Variants in DENND5B observed in about 807,000 individuals in gnomAD.
DENND5B encodes DENN domain containing 5B.
In DENND5B, 34 loss-of-function variants were observed where a neutral mutation model predicts 140.6. The ratio of observed to expected loss-of-function variants is 0.24; its 90% CI spans 0.18 to 0.32. DENND5B has a LOEUF of 0.32. DENND5B is among the 10% of genes least tolerant of loss of function. The pLI is 1.00. For missense variants in DENND5B, 1,142 were observed against 1,560.2 expected, an observed-to-expected ratio of 0.73 and a Z score of 4.52; for synonymous variants, 551 against 562.1, an observed-to-expected ratio of 0.98 and a Z score of 0.28.
chr12:31,387,472 G>A lies in DENND5B; in HGVS notation c.*131C>T, dbSNP rs1198540240. 4 of 886,724 alleles carry A rather than the reference G, an allele frequency of 4.5e-6. No homozygotes were observed. Among genetic ancestry groups the A allele is most frequent in the Non-Finnish European group, 6.8e-6 (4 of 584,768 alleles). 54.9% of individuals were successfully genotyped at this position (886,724 alleles called of 1,614,324 possible). The stretch of plus-strand genomic sequence containing the variant: ...TACAACATTTTGCCTTGTCTGTAGA[G>A]TGAGGATTGTTCCAAATGGGGCATA... On this transcript the variant is annotated 3_prime_UTR_variant, in exon 21 of 21. Coordinates refer to ENST00000389082, the MANE Select transcript of DENND5B (RefSeq NM_144973.4).
At chr12:31,495,379 C>CTTTCTTTTTCTT (rs1433968796) in intron 2 of DENND5B, among the ~76,000 whole-genome samples, 1 of 63,534 alleles carries the variant, frequency 1.6e-5, no homozygotes, top group African/African-American at 7.4e-5. Context: ...TATCACATTT[C>CTTTCTTTTTCTT]TTTTTTTTTC....
rs12369701 is a variant in DENND5B at position 31,521,757 on chromosome 12, G to A, written c.128-25838C>T. Among the ~76,000 whole-genome samples the A allele has an allele frequency of 2.6e-4, 39 of 151,952 alleles. No individual in the cohort carries two copies. In the East Asian group the frequency reaches 4.5e-3, roughly 17 times the overall value. ...GTAACTGCCTGTAATGCTAAGTTCC[G>A]TTCCATCCCCATGCCTTAGTTTAGG... On this transcript the variant is annotated intron_variant, in intron 1 of 20. Coordinates refer to ENST00000389082, the MANE Select transcript of DENND5B (RefSeq NM_144973.4).
intron 5 of DENND5B, among the ~76,000 whole-genome samples, chr12:31,451,389 T>C (rs901390222): frequency 2.0e-5 from 3 of 152,192 alleles, no homozygotes; most frequent in Admixed American, 1.3e-4. Context: ...AGTGGCGCTA[T>C]CTTGGCTCAC....
intron 1 of DENND5B, among the ~76,000 whole-genome samples, chr12:31,581,488 A>G (rs1950206544): frequency 6.6e-6 from 1 of 152,108 alleles, no homozygotes; most frequent in African/African-American, 2.4e-5. Flanking sequence ...CGGGAGCCCG[A>G]GACCAGCCTG....
In DENND5B at chr12:31,383,446, A is replaced by G. The variant is rs1364717538; in HGVS notation, c.*4157T>C. 4 of 152,224 alleles carry G rather than the reference A, an allele frequency of 2.6e-5. No individual in the cohort carries two copies. Among genetic ancestry groups the G allele is most frequent in the Non-Finnish European group, 5.9e-5 (4 of 68,042 alleles). The allele number at this position is 152,224 out of a possible 1,614,324, so 9.4% of individuals were successfully genotyped here. A position where few individuals can be genotyped will look rare whatever the true frequency, so the allele number is the denominator to read the frequency against. On this transcript the variant is annotated 3_prime_UTR_variant, in exon 21 of 21. Coordinates refer to ENST00000389082, the MANE Select transcript of DENND5B (RefSeq NM_144973.4). ...ATATGAGCAGTTCAGTATTTCCCCC[A>G]TATCATTCATATAGTGTGATAGAAG...
At position 31,459,724 on chromosome 12, in the gene DENND5B, T is replaced by C. The variant is rs1051933976; in HGVS notation, c.1092+470A>G. Among the ~76,000 whole-genome samples the C allele has an allele frequency of 2.0e-5, 3 of 152,220 alleles. No homozygotes were observed. The East Asian group carries it at 5.8e-4, about 29-fold the overall frequency. On this transcript the variant is annotated intron_variant, in intron 4 of 20. Coordinates refer to ENST00000389082, the MANE Select transcript of DENND5B (RefSeq NM_144973.4). ...TTTAGAACAAATAACTGGCCTTGTA[T>C]CTGAAAACAGAGAATACTGAAGTGT...
chr12:31,414,306 A>G (rs1197258587), intron 12 of DENND5B, among the ~76,000 whole-genome samples: 3 of 152,184 alleles, frequency 2.0e-5, no homozygotes, highest in Non-Finnish European at 2.9e-5. Context: ...TGCCTTCCTC[A>G]TTCAATAAAT....
At chr12:31,463,446 T>C (rs1176576712) in intron 3 of DENND5B, among the ~76,000 whole-genome samples, 8 of 152,178 alleles carry the variant, frequency 5.3e-5, no homozygotes, top group Admixed American at 4.6e-4. Context: ...GTAACCTCAG[T>C]ATCTACCACA....
At chr12:31,527,911 G>A (rs1042824284) in intron 1 of DENND5B, among the ~76,000 whole-genome samples, 1 of 151,940 alleles carries the variant, frequency 6.6e-6, no homozygotes, top group Non-Finnish European at 1.5e-5. Context: ...CCACAACGTG[G>A]GATAGTCTGC....
intron 1 of DENND5B, among the ~76,000 whole-genome samples, chr12:31,503,616 A>G (rs1947091642): frequency 6.6e-6 from 1 of 152,196 alleles, no homozygotes; most frequent in Non-Finnish European, 1.5e-5. Flanking sequence ...AAACAAATCC[A>G]TTAACTGGTC....
intron 17 of DENND5B, among the ~76,000 whole-genome samples, chr12:31,395,281 C>T (rs1244592076): frequency 6.6e-6 from 1 of 152,148 alleles, no homozygotes; most frequent in Non-Finnish European, 1.5e-5. Flanking sequence ...CACATCCTCA[C>T]CAATATTTGT....
chr12:31,459,590 GC>G (rs1318480087), intron 4 of DENND5B, among the ~76,000 whole-genome samples: 2 of 152,072 alleles, frequency 1.3e-5, no homozygotes, highest in Non-Finnish European at 2.9e-5. Flanking sequence ...ACCACGCCTG[GC>G]CTATTTTTTT....
intron 7 of DENND5B, among the ~76,000 whole-genome samples, chr12:31,437,147 T>C (rs142848403): frequency 1.1e-3 from 14 of 12,626 alleles, no homozygotes; most frequent in Admixed American, 2.5e-3. Flanking sequence ...TGCCCCCCCC[T>C]TTTTTTTTTT....
Position 31,447,912 on chromosome 12 carries a change from T to C in DENND5B, c.1630-143A>G, listed in dbSNP as rs989212633. The C allele has an allele frequency of 5.9e-6, 4 of 675,788 alleles. No homozygotes were observed. The East Asian group carries it at 1.1e-4, about 18-fold the overall frequency. 41.9% of individuals were successfully genotyped at this position (675,788 alleles called of 1,614,324 possible). ...CTTGAAATTCAAAAATCCTTAAAAA[T>C]CCACTTTTCTTTCCATTTTCCTAAA... On this transcript the variant is annotated intron_variant, in intron 5 of 20. Coordinates refer to ENST00000389082, the MANE Select transcript of DENND5B (RefSeq NM_144973.4).
chr12:31,495,014 A>G (rs1202530292), intron 2 of DENND5B, among the ~76,000 whole-genome samples: 1 of 152,318 alleles, frequency 6.6e-6, no homozygotes, highest in East Asian at 1.9e-4. Context: ...GACTCCATCC[A>G]CCGGTAACAA....
At position 31,579,311 on chromosome 12, in the gene DENND5B, T is replaced by C. The variant is rs117052726; in HGVS notation, c.127+11395A>G. 4.6e-3 allele frequency among the ~76,000 whole-genome samples: 696 copies of C among 152,350 alleles called. 4 individuals carry two copies. The highest frequency in any genetic ancestry group is 7.5e-3 in the Admixed American group (114 of 15,300). On this transcript the variant is annotated intron_variant, in intron 1 of 20. Coordinates refer to ENST00000389082, the MANE Select transcript of DENND5B (RefSeq NM_144973.4). ...GATAAAATACTAATACTTTCATTCC[T>C]AGAATTCTGAGTTCTTACCTCCTCA...
chr12:31,496,692 C>A (rs1421624571), intron 1 of DENND5B, among the ~76,000 whole-genome samples: 1 of 151,862 alleles, frequency 6.6e-6, no homozygotes, highest in Non-Finnish European at 1.5e-5. Context: ...GGTGAGACCC[C>A]GTTTCTTTTC....
At position 31,408,516 on chromosome 12, in the gene DENND5B, A is replaced by C. The variant is rs370228206; in HGVS notation, c.2803+747T>G. On this transcript the variant is annotated intron_variant, in intron 14 of 20. Transcript: ENST00000389082. ...GTGGGGCGTGCCTGTAATTCCAGCT[A>C]CTCAGGAGGCTGAGGCACAAGAATT... Among the ~76,000 whole-genome samples the C allele has an allele frequency of 2.0e-4, 30 of 149,252 alleles. No individual in the cohort carries two copies. In the East Asian group the frequency reaches 3.6e-3, roughly 18 times the overall value.
At chr12:31,570,318 C>T (rs1768065181) in intron 1 of DENND5B, among the ~76,000 whole-genome samples, 1 of 150,148 alleles carries the variant, frequency 6.7e-6, no homozygotes, top group Admixed American at 6.6e-5. Flanking sequence ...ACTCTGTTGC[C>T]CAGGCTGGAG....
Sources: allele counts gnomAD v4.1 joint callset (sites outside exome capture counted in the v4.1 genomes callset), GRCh38; gene constraint gnomAD v4.1.1; transcripts MANE v1.5; gene names NCBI Gene and HGNC (gene_info 2026-07-23, HGNC 2026-07-21).